KIF1B: variants seen among roughly 807,000 people sequenced by gnomAD.
KIF1B encodes kinesin-like protein KIF1B.
KIF1B carries 76 observed loss-of-function variants against 241.9 expected under a neutral mutation model. That is an observed-to-expected ratio of 0.31 (90% CI 0.26 to 0.38). The LOEUF is 0.38. Ranked by LOEUF, KIF1B falls within the 10% of genes least tolerant of loss-of-function variation. The pLI, the probability that KIF1B is intolerant of heterozygous loss-of-function variation, is 1.00. For missense variants in KIF1B, 1,622 were observed against 2,271.4 expected, an observed-to-expected ratio of 0.71 and a Z score of 5.81; for synonymous variants, 750 against 796.7, an observed-to-expected ratio of 0.94 and a Z score of 0.99.
In KIF1B at chr1:10,234,513, T is replaced by TATTG. The variant is rs142163458; in HGVS notation, c.106+2079_106+2080insATTG. ...ATGAGCTGCCGCGCCTGGCTGTTTT[T>TATTG]TTTGTTTGTTTTTTCTTTTTTTTTT... On this transcript the variant is annotated intron_variant, in intron 2 of 48. Coordinates refer to ENST00000676179, the MANE Select transcript of KIF1B (RefSeq NM_001365951.3). Among the ~76,000 whole-genome samples the TATTG allele has an allele frequency of 4.6e-4, 69 of 150,674 alleles. 1 individual carries two copies. The East Asian group carries it at 0.013, about 29-fold the overall frequency.
At chr1:10,259,977 G>A (rs555863888) in intron 4 of KIF1B, among the ~76,000 whole-genome samples, 1 of 152,054 alleles carries the variant, frequency 6.6e-6, no homozygotes, top group East Asian at 1.9e-4. Flanking sequence ...AAAAGATTAA[G>A]TGAGAAGATT....
chr1:10,306,766 A>T, intron 22 of KIF1B: 1 of 939,790 alleles, frequency 1.1e-6, no homozygotes, highest in Non-Finnish European at 1.3e-6. Flanking sequence ...TTAAAAAAAA[A>T]AAAAAAAAAA....
chr1:10,324,609 T>G (rs1569827351), intron 25 of KIF1B, 149 bp from the exon 26 acceptor site: 1 of 901,112 alleles, frequency 1.1e-6, no homozygotes, highest in Non-Finnish European at 1.7e-6. Flanking sequence ...TCTGTATTTT[T>G]GGGCTTCATT....
chr1:10,243,248 C>T (rs1647163259), intron 2 of KIF1B, among the ~76,000 whole-genome samples: 1 of 152,076 alleles, frequency 6.6e-6, no homozygotes, highest in Admixed American at 6.6e-5. Flanking sequence ...GAAGCCCCGT[C>T]TCTACTAAAA....
At chr1:10,236,273 A>AAACAAT (rs370022512) in intron 2 of KIF1B, among the ~76,000 whole-genome samples, 5 of 94,112 alleles carry the variant, frequency 5.3e-5, no homozygotes, top group African/African-American at 1.5e-4. Flanking sequence ...CTCCATCCCA[A>AAACAAT]AACAACAACA....
intron 4 of KIF1B, among the ~76,000 whole-genome samples, chr1:10,260,718 T>C (rs1489564893): frequency 6.6e-6 from 1 of 151,430 alleles, no homozygotes; most frequent in Non-Finnish European, 1.5e-5. Flanking sequence ...TACAAAAAAA[T>C]GAGCCAGGCA....
chr1:10,223,874 G>GA (rs1646877919), intron 1 of KIF1B, among the ~76,000 whole-genome samples: 1 of 151,934 alleles, frequency 6.6e-6, no homozygotes, highest in African/African-American at 2.4e-5. Context: ...AGTAAAATCA[G>GA]AAAAAATATT....
At chr1:10,345,622 A>C in intron 34 of KIF1B, 1 of 538,964 alleles carries the variant, frequency 1.9e-6, no homozygotes, top group Non-Finnish European at 3.3e-6. Context: ...TGTTGAGAAA[A>C]AAGATACTGA....
chr1:10,304,673 C>T (rs1299655077), intron 22 of KIF1B: 3 of 1,612,716 alleles, frequency 1.9e-6, no homozygotes, highest in Non-Finnish European at 1.7e-6. Context: ...AACTTGAAAT[C>T]ATGGTGGAAG....
chr1:10,299,156 A>G (rs1243621073), intron 22 of KIF1B: 2 of 152,202 alleles, frequency 1.3e-5, no homozygotes, highest in Non-Finnish European at 2.9e-5. Flanking sequence ...ACGGCAGAAT[A>G]AGGATGCCTG....
chr1:10,308,401 A>G, intron 22 of KIF1B: 2 of 1,047,824 alleles, frequency 1.9e-6, no homozygotes, highest in Non-Finnish European at 2.3e-6. Flanking sequence ...GTGTTGTCCC[A>G]TTATTACTGT....
chr1:10,319,830 T>G (rs1307164080), intron 22 of KIF1B, among the ~76,000 whole-genome samples: 2 of 152,182 alleles, frequency 1.3e-5, no homozygotes, highest in Non-Finnish European at 2.9e-5. Flanking sequence ...AGTTTTTTCT[T>G]TTTAACATTT....
intron 22 of KIF1B, among the ~76,000 whole-genome samples, chr1:10,312,915 AT>A (rs1651129871): frequency 6.6e-6 from 1 of 151,518 alleles, no homozygotes. Context: ...CACAAAAGGT[AT>A]TTGCTGAGTG....
chr1:10,304,480 T>G, intron 22 of KIF1B: 2 of 1,611,224 alleles, frequency 1.2e-6, no homozygotes, highest in Non-Finnish European at 1.7e-6. Context: ...ACACCGTCAG[T>G]CTTACTGTAA....
intron 2 of KIF1B, among the ~76,000 whole-genome samples, chr1:10,247,904 C>T (rs1197655481): frequency 6.6e-6 from 1 of 152,088 alleles, no homozygotes; most frequent in Non-Finnish European, 1.5e-5. Flanking sequence ...TAGTTAGATT[C>T]TCATAAGGAG....
At chr1:10,272,808 C>A (rs1648876963) in intron 9 of KIF1B, among the ~76,000 whole-genome samples, 1 of 150,118 alleles carries the variant, frequency 6.7e-6, no homozygotes, top group Non-Finnish European at 1.5e-5. Flanking sequence ...AAATTAGGGG[C>A]TTTGTTGTCT....
chr1:10,364,689 G>A (rs1487566464), intron 41 of KIF1B, among the ~76,000 whole-genome samples: 3 of 152,046 alleles, frequency 2.0e-5, no homozygotes, highest in Non-Finnish European at 2.9e-5. Context: ...AGACCAAACT[G>A]TCTTAGTTTG....
chr1:10,333,347 G>A (rs955393216), intron 27 of KIF1B, among the ~76,000 whole-genome samples: 14 of 150,562 alleles, frequency 9.3e-5, no homozygotes, highest in African/African-American at 3.4e-4. Context: ...TCCAGCCTGG[G>A]CAACAAGAGT....
Position 10,296,977 on chromosome 1 carries a change from CCTT to C in KIF1B, c.1945_1947del (p.Ser649del), listed in dbSNP as rs766127664. 3.1e-6 allele frequency: 5 copies of C among 1,614,024 alleles called. No individual in the cohort carries two copies. Among genetic ancestry groups the C allele is most frequent in the Non-Finnish European group, 2.5e-6 (3 of 1,179,968 alleles). On this transcript the variant is annotated inframe_deletion, in exon 21 of 49. Coordinates refer to ENST00000676179, the MANE Select transcript of KIF1B (RefSeq NM_001365951.3). ...AGCACGAGCTGAGCGAGAGAAGACT[CCTT>C]CTGCTGAGACCCCCTCTGAGCCTGT... is the stretch of plus-strand genomic sequence containing the variant.
Sources: allele counts gnomAD v4.1 joint callset (sites outside exome capture counted in the v4.1 genomes callset), GRCh38; gene constraint gnomAD v4.1.1; transcripts MANE v1.5; gene names NCBI Gene and HGNC (gene_info 2026-07-23, HGNC 2026-07-21).